PTPRN2: variants seen among roughly 807,000 people sequenced by gnomAD.
PTPRN2 encodes the protein receptor-type tyrosine-protein phosphatase N2.
In PTPRN2, 74 loss-of-function variants were observed where a neutral mutation model predicts 118.8. That is an observed-to-expected ratio of 0.62 (90% confidence interval 0.52 to 0.76). The LOEUF is 0.76. PTPRN2 is among the 30% of genes least tolerant of loss of function. The pLI is 0.00. For missense variants in PTPRN2, 1,481 were observed against 1,394.4 expected, an observed-to-expected ratio of 1.06 and a Z score of -0.99; for synonymous variants, 641 against 608.0, an observed-to-expected ratio of 1.05 and a Z score of -0.80.
intron 2 of PTPRN2, among the ~76,000 whole-genome samples, chr7:158,366,221 CTAG>C (rs1360335079): frequency 6.8e-6 from 1 of 147,276 alleles, no homozygotes; most frequent in Non-Finnish European, 1.5e-5. Context: ...CACAGCATCC[CTAG>C]AAGCTGCAGC....
chr7:158,571,719 CT>C (rs1359502933), intron 1 of PTPRN2, among the ~76,000 whole-genome samples: 1 of 151,668 alleles, frequency 6.6e-6, no homozygotes, highest in Non-Finnish European at 1.5e-5. Flanking sequence ...TACTTCTCCC[CT>C]GATTCTTCAA....
intron 11 of PTPRN2, among the ~76,000 whole-genome samples, chr7:158,005,628 G>GGGTGCAGGGGGA (rs1457332794): frequency 6.6e-6 from 1 of 152,190 alleles, no homozygotes; most frequent in African/African-American, 2.4e-5. Context: ...CTGGAAGATG[G>GGGTGCAGGGGGA]GGTGCAGGGG....
rs372810982 is a variant in PTPRN2 at position 157,826,016 on chromosome 7, A to AG, written c.1788+72656dup. On this transcript the variant is annotated intron_variant, in intron 12 of 22. Coordinates refer to ENST00000389418, the MANE Select transcript of PTPRN2 (RefSeq NM_002847.5). Reference sequence around the variant, plus strand: ...TTCACTTTGTTCCCCCGTGCATGTAAGGGGTCAGGCAATCCCCTCTGCTCA... The same window carrying AG: ...TTCACTTTGTTCCCCCGTGCATGTAAGGGGGTCAGGCAATCCCCTCTGCTCA... 4.3e-3 allele frequency among the ~76,000 whole-genome samples: 650 copies of AG among 152,326 alleles called. 6 individuals are homozygous for AG. Among genetic ancestry groups the AG allele is most frequent in the African/African-American group, 0.015 (621 of 41,580 alleles).
chr7:158,206,819 T>A (rs918700816), intron 3 of PTPRN2, among the ~76,000 whole-genome samples: 2 of 151,664 alleles, frequency 1.3e-5, no homozygotes, highest in African/African-American at 4.8e-5. Context: ...TTATTTTTTA[T>A]TATTATACTT....
At chr7:158,162,043 C>T (rs1797118614) in intron 6 of PTPRN2, among the ~76,000 whole-genome samples, 2 of 152,166 alleles carry the variant, frequency 1.3e-5, no homozygotes, top group African/African-American at 4.8e-5. Flanking sequence ...GACACCACCA[C>T]ACACCTCTCA....
chr7:158,500,131 A>C (rs1822250859), intron 1 of PTPRN2, among the ~76,000 whole-genome samples: 1 of 152,106 alleles, frequency 6.6e-6, no homozygotes. Flanking sequence ...ACCTGTCCAC[A>C]AACACCACTC....
intron 1 of PTPRN2, among the ~76,000 whole-genome samples, chr7:158,568,560 T>C (rs1040280222): frequency 2.0e-4 from 31 of 152,246 alleles, no homozygotes; most frequent in African/African-American, 7.0e-4. Flanking sequence ...ATCATATGAC[T>C]GACTTGTATT....
chr7:158,555,875 G>A lies in PTPRN2; in HGVS notation c.112+31683C>T, dbSNP rs1310956936. 6.6e-6 allele frequency among the ~76,000 whole-genome samples: 1 copy of A among 151,972 alleles called. No individual in the cohort carries two copies. The highest frequency in any genetic ancestry group is 2.4e-5 in the African/African-American group (1 of 41,398). Reference sequence around the variant, plus strand: ...ACCCAGCTCGCAGAGAACAAAATCTGTGAACAATAATCACAACATGGCACA... The same window carrying A: ...ACCCAGCTCGCAGAGAACAAAATCTATGAACAATAATCACAACATGGCACA... On this transcript the variant is annotated intron_variant, in intron 1 of 22. Coordinates refer to ENST00000389418, the MANE Select transcript of PTPRN2 (RefSeq NM_002847.5). The surrounding 1 kb of genome is among the most constrained non-coding windows in gnomAD (Gnocchi z 4.7).
In PTPRN2 at chr7:158,040,736, C is replaced by CTTTTTTTTTTTTT. The variant is rs58192875; in HGVS notation, c.1723+40549_1723+40561dup. On this transcript the variant is annotated intron_variant, in intron 11 of 22. Transcript: ENST00000389418. ...TTGATCTGCCTTTCTTTTTTTCTTTCTTTTTTTTTTTTTTGAGATGGAATC... is the reference window on the plus strand; with the variant it reads ...TTGATCTGCCTTTCTTTTTTTCTTTCTTTTTTTTTTTTTTTTTTTTTTTTTTTGAGATGGAATC... Among the ~76,000 whole-genome samples the CTTTTTTTTTTTTT allele has an allele frequency of 5.6e-5, 8 of 142,206 alleles. 1 individual carries two copies. Among genetic ancestry groups the CTTTTTTTTTTTTT allele is most frequent in the African/African-American group, 1.0e-4 (4 of 38,234 alleles). The allele number at this position is 142,206 out of a possible 152,430, so 93.3% of individuals were successfully genotyped here.
intron 2 of PTPRN2, among the ~76,000 whole-genome samples, chr7:158,325,365 CTT>C (rs55975155): frequency 0.045 from 6,720 of 150,184 alleles, 194 homozygotes; most frequent in African/African-American, 0.085. Flanking sequence ...ACTTATATGT[CTT>C]TTTTTTTTTA....
intron 1 of PTPRN2, among the ~76,000 whole-genome samples, chr7:158,528,889 C>T (rs575580808): frequency 3.9e-5 from 6 of 152,176 alleles, no homozygotes; most frequent in East Asian, 1.9e-4. Context: ...TTAAAGTGCC[C>T]GGAATTGGAA....
intron 12 of PTPRN2, among the ~76,000 whole-genome samples, chr7:157,790,545 G>A (rs1804422694): frequency 6.6e-6 from 1 of 152,218 alleles, no homozygotes; most frequent in East Asian, 1.9e-4. Context: ...AGTGTATGAC[G>A]AAGGGGGCAT....
At chr7:158,344,023 C>T (rs1807294198) in intron 2 of PTPRN2, among the ~76,000 whole-genome samples, 1 of 152,154 alleles carries the variant, frequency 6.6e-6, no homozygotes, top group African/African-American at 2.4e-5. Flanking sequence ...AACTCACATT[C>T]AGGGAAAGAC....
chr7:158,418,398 T>G (rs1370870218), intron 2 of PTPRN2, among the ~76,000 whole-genome samples: 2 of 151,106 alleles, frequency 1.3e-5, no homozygotes, highest in African/African-American at 4.9e-5. Context: ...TAGCTCTCAG[T>G]GTCCCACTGT....
chr7:158,163,209 T>C (rs1301363782), intron 6 of PTPRN2, among the ~76,000 whole-genome samples: 2 of 152,096 alleles, frequency 1.3e-5, no homozygotes, highest in South Asian at 2.1e-4. Context: ...ATTCTCTGTA[T>C]ATTTCATAGG....
At chr7:158,568,824 T>A (rs759326581) in intron 1 of PTPRN2, among the ~76,000 whole-genome samples, 2 of 152,118 alleles carry the variant, frequency 1.3e-5, no homozygotes, top group Non-Finnish European at 2.9e-5. Context: ...CTTTTAAAAA[T>A]TACTAACATT....
rs540539648 is a variant in PTPRN2 at position 157,581,888 on chromosome 7, C to T, written c.2497-3748G>A. Among the ~76,000 whole-genome samples, 3 of 152,350 alleles carry T rather than the reference C, an allele frequency of 2.0e-5. No individual in the cohort carries two copies. In the South Asian group the frequency reaches 6.2e-4, roughly 32 times the overall value. ...AAGAGGGAGACACCTCGAGAAGGCACAGACACGGAGAGCGGCCACGCGCAG... is the reference window on the plus strand; with the variant it reads ...AAGAGGGAGACACCTCGAGAAGGCATAGACACGGAGAGCGGCCACGCGCAG... On this transcript the variant is annotated intron_variant, in intron 17 of 22. Transcript: ENST00000389418.
At chr7:158,320,768 A>T (rs1563134944) in intron 2 of PTPRN2, among the ~76,000 whole-genome samples, 1 of 152,184 alleles carries the variant, frequency 6.6e-6, no homozygotes, top group Non-Finnish European at 1.5e-5. Flanking sequence ...ACTCAGCAAT[A>T]AGGCTTGTTG....
At chr7:158,519,207 G>A (rs1823798803) in intron 1 of PTPRN2, among the ~76,000 whole-genome samples, 2 of 152,212 alleles carry the variant, frequency 1.3e-5, no homozygotes, top group South Asian at 4.2e-4. Flanking sequence ...GGGCTATTTT[G>A]GCATCTAAGT....
Sources: gnomAD v4.1 joint callset for allele counts (sites outside exome capture counted in the v4.1 genomes callset) on GRCh38, gnomAD v4.1.1 for gene constraint, Gnocchi (gnomAD v3.1) non-coding constraint, MANE v1.5 for transcripts, NCBI Gene and HGNC (gene_info 2026-07-23, HGNC 2026-07-21) for gene names.